Variants in CRB1 observed in about 807,000 individuals in gnomAD.
The protein encoded by CRB1 is crumbs cell polarity complex component 1.
CRB1 carries 83 observed loss-of-function variants against 120.0 expected under a neutral mutation model. That is an observed-to-expected ratio of 0.69 (90% confidence interval 0.58 to 0.83). The LOEUF (loss-of-function observed/expected upper bound fraction) is 0.83, where lower values mean the gene tolerates loss of function less well. Ranked by LOEUF, CRB1 falls within the 40% of genes least tolerant of loss-of-function variation. The probability of loss-of-function intolerance (pLI) is 0.00; values close to 1 mark genes in which losing one functional copy is unlikely to be tolerated. For synonymous variants in CRB1, 625 were observed against 612.5 expected, an observed-to-expected ratio of 1.02 and a Z score of -0.30; for missense variants, 1,699 against 1,687.6, an observed-to-expected ratio of 1.01 and a Z score of -0.12.
chr1:197,346,237 T>C (rs956080843), intron 3 of CRB1, among the ~76,000 whole-genome samples: 13 of 152,124 alleles, frequency 8.5e-5, no homozygotes, highest in African/African-American at 2.7e-4. Context: ...TGACTTTATG[T>C]TCCCACAAAA....
At chr1:197,215,439 G>A in the CRB1 span, among the ~76,000 whole-genome samples, 4 of 151,874 alleles carry the variant, frequency 2.6e-5, no homozygotes, top group Admixed American at 1.3e-4. Context: ...CACCATGCCC[G>A]GCTACTTTTG....
At chr1:197,457,154 A>G (rs2125541614) in intron 11 of CRB1, among the ~76,000 whole-genome samples, 1 of 152,124 alleles carries the variant, frequency 6.6e-6, no homozygotes, top group Admixed American at 6.6e-5. Context: ...CCTCCCCCAC[A>G]CAATCAGCAT....
At chr1:197,398,593 G>T (rs967810676) in intron 5 of CRB1, among the ~76,000 whole-genome samples, 1 of 152,152 alleles carries the variant, frequency 6.6e-6, no homozygotes, top group Non-Finnish European at 1.5e-5. Flanking sequence ...AAATAGAATT[G>T]TTAGATGAAT....
At chr1:197,224,087 A>G in the CRB1 span, among the ~76,000 whole-genome samples, 1 of 152,074 alleles carries the variant, frequency 6.6e-6, no homozygotes, top group Non-Finnish European at 1.5e-5. Context: ...AAAGACTGAC[A>G]CGTTAATAAT....
chr1:197,398,892 T>TGTG (rs1553257312), intron 5 of CRB1, among the ~76,000 whole-genome samples: 9 of 136,310 alleles, frequency 6.6e-5, no homozygotes, highest in African/African-American at 2.0e-4. Flanking sequence ...CAGGAAATGA[T>TGTG]TGTGTGTGTG....
At chr1:197,362,375 C>T (rs1251043401) in intron 5 of CRB1, among the ~76,000 whole-genome samples, 1 of 152,072 alleles carries the variant, frequency 6.6e-6, no homozygotes, top group Admixed American at 6.6e-5. Flanking sequence ...TCAATTAAAT[C>T]CCATTGACTG....
In CRB1 at chr1:197,452,061, A is replaced by G. The variant is rs1571592871; in HGVS notation, c.4005+9769A>G. On this transcript the variant is annotated intron_variant, in intron 11 of 11. Transcript: ENST00000367400. ...ATGCAGAAGGGAGAATTAAAGAGTT[A>G]AAAAGGATTTCGGGAATCATCTAAT... is the stretch of plus-strand genomic sequence containing the variant. 2.6e-5 allele frequency among the ~76,000 whole-genome samples: 4 copies of G among 152,236 alleles called. No individual in the cohort carries two copies. The East Asian group carries it at 7.7e-4, about 29-fold the overall frequency.
In CRB1 at chr1:197,435,546, C is replaced by A. The variant is rs147924782; in HGVS notation, c.3683C>A (p.Thr1228Asn). Residue 1228 changes from threonine to asparagine, a missense_variant, in exon 9 of 12, where the codon ACC becomes AAC. Coordinates refer to ENST00000367400, the MANE Select transcript of CRB1 (RefSeq NM_201253.3). ...CQSHQCANGA[T>N]CISHTNGYSC... ...AGTCACCAGTGTGCAAATGGAGCCA[C>A]CTGCATTAGTCATACTAATGGCTAT... 1.1e-5 allele frequency: 18 copies of A among 1,613,406 alleles called. No homozygotes were observed. The African/African-American group carries it at 1.6e-4, about 14-fold the overall frequency.
the CRB1 span, among the ~76,000 whole-genome samples, chr1:197,258,376 C>A: frequency 2.6e-5 from 4 of 152,070 alleles, no homozygotes; most frequent in South Asian, 2.1e-4. Flanking sequence ...TCTGCACAAC[C>A]CATCTTTTGG....
chr1:197,418,863 T>C (rs1047967258), intron 5 of CRB1, among the ~76,000 whole-genome samples: 2 of 152,190 alleles, frequency 1.3e-5, no homozygotes, highest in Non-Finnish European at 2.9e-5. Flanking sequence ...GATTCTAGAC[T>C]AATATGCTGT....
chr1:197,361,856 C>T (rs1313627488), intron 5 of CRB1, among the ~76,000 whole-genome samples: 1 of 151,224 alleles, frequency 6.6e-6, no homozygotes, highest in African/African-American at 2.4e-5. Flanking sequence ...ATCCTTATTT[C>T]TGTTTGCTTT....
chr1:197,469,281 A>G (rs980375918), intron 11 of CRB1, among the ~76,000 whole-genome samples: 7 of 152,226 alleles, frequency 4.6e-5, no homozygotes, highest in African/African-American at 1.7e-4. Context: ...CAGGTTTGAT[A>G]TAGTTCGTTC....
chr1:197,231,626 A>G, the CRB1 span, among the ~76,000 whole-genome samples: 4 of 152,234 alleles, frequency 2.6e-5, no homozygotes, highest in African/African-American at 7.2e-5. Context: ...AAATGCTAGA[A>G]TTGACATCCC....
the CRB1 span, among the ~76,000 whole-genome samples, chr1:197,260,878 G>A: frequency 6.6e-6 from 1 of 152,056 alleles, no homozygotes; most frequent in Non-Finnish European, 1.5e-5. Flanking sequence ...TGTATTTTTA[G>A]TAGAGATAGG....
At chr1:197,233,855 G>T in the CRB1 span, among the ~76,000 whole-genome samples, 26 of 152,264 alleles carry the variant, frequency 1.7e-4, no homozygotes, top group Admixed American at 1.6e-3. Flanking sequence ...TCCCTCTAAT[G>T]GGTTCTTCTA....
chr1:197,421,475 T>A lies in CRB1; in HGVS notation c.1647T>A (p.Asn549Lys), dbSNP rs62636283. The A allele has an allele frequency of 3.7e-6, 6 of 1,614,114 alleles. No homozygotes were observed. Among genetic ancestry groups the A allele is most frequent in the Non-Finnish European group, 5.1e-6 (6 of 1,180,046 alleles). Residue 549 changes from asparagine to lysine, a missense_variant, in exon 6 of 12, where the codon AAT (asparagine) becomes AAA (lysine). Asn to Lys is a moderately conservative substitution (Grantham distance 94). Transcript: ENST00000367400. ...ACATTCACTTATCAATTCAGGTCAA[T>A]AATCAGTCAAAGGTGCTTCTGTTCA... is the stretch of plus-strand genomic sequence containing the variant. ...SGYIHLSIQVNNQSKVLLFIS... is the reference protein window; with the variant it reads ...SGYIHLSIQVKNQSKVLLFIS...
chr1:197,240,009 C>T, the CRB1 span, among the ~76,000 whole-genome samples: 2 of 151,586 alleles, frequency 1.3e-5, no homozygotes, highest in East Asian at 1.9e-4. Flanking sequence ...TTACTCTCCC[C>T]CATTTATGAT....
the CRB1 span, among the ~76,000 whole-genome samples, chr1:197,224,506 C>A: frequency 6.6e-6 from 1 of 152,106 alleles, no homozygotes; most frequent in South Asian, 2.1e-4. Flanking sequence ...ACATAGAATG[C>A]TGAGCAGATT....
At chr1:197,245,096 A>G in the CRB1 span, among the ~76,000 whole-genome samples, 1 of 151,922 alleles carries the variant, frequency 6.6e-6, no homozygotes, top group African/African-American at 2.4e-5. Flanking sequence ...GTTTTAGGGT[A>G]CATGTGCACA....
Sources: allele counts gnomAD v4.1 joint callset (sites outside exome capture counted in the v4.1 genomes callset), GRCh38; gene constraint gnomAD v4.1.1; transcripts MANE v1.5; gene names NCBI Gene and HGNC (gene_info 2026-07-23, HGNC 2026-07-21).